The following CYP4X1 variants were observed in gnomAD, a reference collection of about 807,000 sequenced individuals.
CYP4X1 encodes cytochrome P450 family 4 subfamily X member 1.
In CYP4X1, 44 loss-of-function variants were observed where a neutral mutation model predicts 57.9. That is an observed-to-expected ratio of 0.76 (90% confidence interval 0.60 to 0.98). The LOEUF (loss-of-function observed/expected upper bound fraction) is 0.98. Among genes scored for constraint, CYP4X1 ranks in the 50% least tolerant of loss-of-function variants. The probability of loss-of-function intolerance (pLI) is 0.00; values close to 1 mark genes in which losing one functional copy is unlikely to be tolerated. For synonymous variants in CYP4X1, 227 were observed against 228.6 expected (o/e 0.99, Z 0.06); for missense variants, 532 against 623.9 (o/e 0.85, Z 1.57).
At chr1:47,036,793 C>T (rs1337126618) in intron 6 of CYP4X1, among the ~76,000 whole-genome samples, 1 of 152,102 alleles carries the variant, frequency 6.6e-6, no homozygotes, top group Non-Finnish European at 1.5e-5. Context: ...AAAAAAGAAC[C>T]TATCTCATAC....
the CYP4X1 span, among the ~76,000 whole-genome samples, chr1:47,006,977 G>A: frequency 6.6e-6 from 1 of 152,234 alleles, no homozygotes; most frequent in East Asian, 1.9e-4. Flanking sequence ...AGACCTGCCT[G>A]CCTCTGTAGA....
Position 47,023,920 on chromosome 1 carries a change from C to T in CYP4X1, c.103C>T (p.Arg35Trp). 6.2e-7 allele frequency: 1 copy of T among 1,613,662 alleles called. No individual in the cohort carries two copies. Among genetic ancestry groups the T allele is most frequent in the South Asian group, 1.1e-5 (1 of 91,054 alleles). ...GLLQAIKLYL[R>W]RQRLLRDLRP... ...GCTGCAGGCCATTAAGCTGTACCTG[C>T]GGAGGCAGCGGCTGCTGCGGGACCT... Residue 35 changes from arginine (R) to tryptophan (W), a missense_variant, in exon 1 of 12, where the codon CGG becomes TGG. Coordinates refer to ENST00000371901, the MANE Select transcript of CYP4X1 (RefSeq NM_178033.2).
rs1347578473 is a variant in CYP4X1, at chr1:47,027,793, C to T, written c.178-2197C>T. 3.3e-5 allele frequency among the ~76,000 whole-genome samples: 5 copies of T among 152,296 alleles called. No homozygotes were observed. In the South Asian group the frequency reaches 1.0e-3, roughly 32 times the overall value. ...CCCTGCAAATTATTCCTAAAAGAGG[C>T]TTGCCCTGACCATTCAGACTAAAAT... On this transcript the variant is annotated intron_variant, in intron 1 of 11. Transcript: ENST00000371901.
the CYP4X1 span, among the ~76,000 whole-genome samples, chr1:46,972,106 A>G: frequency 9.2e-5 from 14 of 152,178 alleles, no homozygotes; most frequent in Admixed American, 8.5e-4. Context: ...CCTTGAGTTG[A>G]GTTTTGTATA....
chr1:47,044,098 G>C (rs914107335), intron 8 of CYP4X1, among the ~76,000 whole-genome samples: 1 of 152,118 alleles, frequency 6.6e-6, no homozygotes, highest in East Asian at 1.9e-4. Flanking sequence ...GGTAATTATT[G>C]ACAGACAAGG....
chr1:47,054,041 T>C (rs1644376084), downstream of CYP4X1, among the ~76,000 whole-genome samples: 1 of 151,894 alleles, frequency 6.6e-6, no homozygotes, highest in African/African-American at 2.4e-5. Context: ...CTAGGGTTTT[T>C]ATGGTTTTAG....
upstream of CYP4X1, among the ~76,000 whole-genome samples, chr1:47,022,229 G>A (rs1252727336): frequency 6.6e-6 from 1 of 151,374 alleles, no homozygotes; most frequent in Admixed American, 6.6e-5. Context: ...AATGGAACAT[G>A]CAAGGGGCCA....
At chr1:46,965,729 A>G in the CYP4X1 span, among the ~76,000 whole-genome samples, 1 of 152,222 alleles carries the variant, frequency 6.6e-6, no homozygotes, top group Non-Finnish European at 1.5e-5. Context: ...TTTTTAGTAC[A>G]GCAGGTGTGC....
chr1:47,001,162 G>A, the CYP4X1 span: 2 of 196,814 alleles, frequency 1.0e-5, no homozygotes, highest in South Asian at 2.5e-4. Context: ...GTAAGCTCCA[G>A]TCTGAAGCTG....
the CYP4X1 span, among the ~76,000 whole-genome samples, chr1:47,013,341 G>C: frequency 7.1e-4 from 108 of 152,236 alleles, 1 homozygote; most frequent in African/African-American, 2.5e-3. Flanking sequence ...ATATGACCAA[G>C]GTCAAGTTAT....
At chr1:47,008,763 T>G in the CYP4X1 span, among the ~76,000 whole-genome samples, 1 of 151,536 alleles carries the variant, frequency 6.6e-6, no homozygotes, top group South Asian at 2.1e-4. Context: ...AAGGCAGGGG[T>G]TGCAATCCTA....
chr1:47,031,345 G>C, intron 2 of CYP4X1, 91 bp from the exon 3 acceptor site: 5 of 1,468,070 alleles, frequency 3.4e-6, no homozygotes, highest in Non-Finnish European at 4.7e-6. Flanking sequence ...TTTGTGGTTG[G>C]TGCAGAAATG....
chr1:46,989,304 C>T, the CYP4X1 span, among the ~76,000 whole-genome samples: 45,658 of 151,720 alleles, frequency 0.3, 7,238 homozygotes, highest in East Asian at 0.56. Flanking sequence ...TCACAATTGC[C>T]ACAGAGAGAA....
At position 47,036,121 on chromosome 1, in the gene CYP4X1, C is replaced by T. The variant is rs149188605; in HGVS notation, c.725C>T (p.Pro242Leu). ...AGTGACATAATTTTCAAACTCAGCC[C>T]TCAGGGCTACCGCTTCCAGAAGTTA... is the stretch of plus-strand genomic sequence containing the variant. The part of the protein sequence containing the change: ...YHSDIIFKLS[P>L]QGYRFQKLSR... The change falls in exon 6 of 12, where the codon CCT becomes CTT. Residue 242 changes from proline (P) to leucine (L), a missense_variant. By Grantham distance (98) the Pro-to-Leu change is moderately conservative. Coordinates refer to ENST00000371901, the MANE Select transcript of CYP4X1 (RefSeq NM_178033.2). The T allele has an allele frequency of 1.9e-6, 3 of 1,613,522 alleles. No individual in the cohort carries two copies. In the African/African-American group the frequency reaches 4.0e-5, roughly 22 times the overall value.
At position 47,050,135 on chromosome 1, in the gene CYP4X1, T is replaced by C; in HGVS notation, c.1491T>C (p.Asn497=). The part of the protein sequence containing the change: ...FPNHFILKPK[N]GMYLHLKKLS... Reference sequence around the variant, plus strand: ...ACCATTTTATCCTCAAGCCCAAGAATGGGATGTATTTGCACCTGAAGAAAC... The same window carrying C: ...ACCATTTTATCCTCAAGCCCAAGAACGGGATGTATTTGCACCTGAAGAAAC... Residue 497 remains asparagine (N), a synonymous_variant, in exon 12 of 12, where the codon AAT becomes AAC. Transcript: ENST00000371901. 1.9e-6 allele frequency: 3 copies of C among 1,613,974 alleles called. No homozygotes were observed. The highest frequency in any genetic ancestry group is 2.5e-6 in the Non-Finnish European group (3 of 1,179,970).
chr1:47,035,881 G>T lies in CYP4X1; in HGVS notation c.568G>T (p.Asp190Tyr). The T allele has an allele frequency of 6.2e-7, 1 of 1,613,688 alleles. No individual in the cohort carries two copies. Among genetic ancestry groups the T allele is most frequent in the Admixed American group, 1.7e-5 (1 of 59,928 alleles). The change falls in exon 5 of 12, where the codon GAT (aspartate) becomes TAT (tyrosine). Residue 190 changes from aspartate (D) to tyrosine (Y), a missense_variant. Asp to Tyr is a radical substitution (Grantham distance 160). Coordinates refer to ENST00000371901, the MANE Select transcript of CYP4X1 (RefSeq NM_178033.2). ...VYEHINSMSL[D>Y]IIMKCAFSKE... Reference sequence around the variant, plus strand: ...TGAGCACATCAACTCGATGTCTCTGGATATAATCATGAAATGCGCTTTCAG... The same window carrying T: ...TGAGCACATCAACTCGATGTCTCTGTATATAATCATGAAATGCGCTTTCAG...
At position 47,035,788 on chromosome 1, in the gene CYP4X1, C is replaced by A; in HGVS notation, c.493-18C>A. On this transcript the variant is annotated intron_variant, in intron 4 of 11. Coordinates refer to ENST00000371901, the MANE Select transcript of CYP4X1 (RefSeq NM_178033.2). ...TCATGGTGGTGGTGATGATGTTGGT[C>A]TTGACCTCCTGTGCCAGGATAAGTG... The A allele has an allele frequency of 6.2e-7, 1 of 1,607,086 alleles. No homozygotes were observed. The highest frequency in any genetic ancestry group is 1.1e-5 in the South Asian group (1 of 89,514).
At chr1:46,982,827 C>T in the CYP4X1 span, among the ~76,000 whole-genome samples, 1 of 152,198 alleles carries the variant, frequency 6.6e-6, no homozygotes, top group Admixed American at 6.5e-5. Flanking sequence ...CAGCTTGGCA[C>T]TCCTGGGCTG....
At position 47,038,757 on chromosome 1, in the gene CYP4X1, T is replaced by C; in HGVS notation, c.873T>C (p.Leu291=). ...ACCAGGATTTTCTGGATATTGTCCT[T>C]TCTGCCAAGGTAAATCTTCTAAATT... ...RKYQDFLDIV[L]SAKDESGSSF... is the part of the protein sequence containing the mutation. Residue 291 remains leucine, a synonymous_variant, in exon 7 of 12, where the codon CTT becomes CTC. Transcript: ENST00000371901. The C allele has an allele frequency of 6.2e-7, 1 of 1,609,072 alleles. No individual in the cohort carries two copies. The highest frequency in any genetic ancestry group is 1.1e-5 in the South Asian group (1 of 90,012).
Sources: allele counts gnomAD v4.1 joint callset (sites outside exome capture counted in the v4.1 genomes callset), GRCh38; gene constraint gnomAD v4.1.1; transcripts MANE v1.5; gene names NCBI Gene and HGNC (gene_info 2026-07-23, HGNC 2026-07-21).